Variants in ZBTB8A observed in about 807,000 individuals in gnomAD.
The protein encoded by ZBTB8A is zinc finger and BTB domain containing 8A, also known as zinc finger and BTB domain-containing protein 8A.
Under a neutral mutation model 37.8 loss-of-function variants are expected in ZBTB8A, and 19 were observed. That is an observed-to-expected ratio of 0.50 (90% CI 0.35 to 0.74). The LOEUF (loss-of-function observed/expected upper bound fraction) is 0.74. Among genes scored for constraint, ZBTB8A ranks in the 30% least tolerant of loss-of-function variants. The pLI is 0.01. For synonymous variants in ZBTB8A, 181 were observed against 185.2 expected (o/e 0.98, Z 0.19); for missense variants, 394 against 537.8 (o/e 0.73, Z 2.65).
chr1:32,547,080 T>A (rs921281917), intron 1 of ZBTB8A, among the ~76,000 whole-genome samples: 1 of 152,044 alleles, frequency 6.6e-6, no homozygotes, highest in Non-Finnish European at 1.5e-5. Flanking sequence ...ATTTTTTAAT[T>A]ATTTGTAGAG....
chr1:32,584,674 G>A (rs532342454), intron 2 of ZBTB8A, among the ~76,000 whole-genome samples: 39 of 151,868 alleles, frequency 2.6e-4, no homozygotes, highest in East Asian at 9.7e-4. Context: ...ACCATGCCCA[G>A]CTAATTTTTT....
intron 2 of ZBTB8A, among the ~76,000 whole-genome samples, chr1:32,590,761 A>G (rs1013511922): frequency 1.3e-5 from 2 of 152,130 alleles, no homozygotes; most frequent in Admixed American, 6.6e-5. Flanking sequence ...TGTTACTTCT[A>G]AAGAGGTATC....
At chr1:32,560,857 C>G (rs911219627) in intron 2 of ZBTB8A, among the ~76,000 whole-genome samples, 1 of 151,972 alleles carries the variant, frequency 6.6e-6, no homozygotes. Flanking sequence ...AACTCCTGAC[C>G]TCAAGTGATC....
intron 2 of ZBTB8A, among the ~76,000 whole-genome samples, chr1:32,561,257 C>T (rs1438418366): frequency 1.3e-5 from 2 of 152,158 alleles, no homozygotes; most frequent in Admixed American, 6.5e-5. Context: ...GCCTAGAATG[C>T]TTTTCCTCTT....
In ZBTB8A at chr1:32,593,035, T is replaced by C; in HGVS notation, c.104T>C (p.Phe35Ser). 1 of 1,614,200 alleles carries C rather than the reference T, an allele frequency of 6.2e-7. No homozygotes were observed. The highest frequency in any genetic ancestry group is 8.5e-7 in the Non-Finnish European group (1 of 1,180,030). The change falls in exon 3 of 5, where the codon TTC becomes TCC. Residue 35 changes from phenylalanine (F) to serine (S), a missense_variant. Phe to Ser is a radical substitution (Grantham distance 155, BLOSUM62 -2). Transcript: ENST00000373510. ...DCSILVEGKV[F>S]KAHRNVLFAS... ...AGTATTCTAGTTGAAGGGAAGGTCT[T>C]CAAAGCACATCGAAATGTATTATTC...
At chr1:32,571,736 A>G (rs1644324119) in intron 2 of ZBTB8A, among the ~76,000 whole-genome samples, 1 of 151,918 alleles carries the variant, frequency 6.6e-6, no homozygotes, top group Non-Finnish European at 1.5e-5. Context: ...CACCACGCCC[A>G]GCTAATTTTT....
intron 2 of ZBTB8A, among the ~76,000 whole-genome samples, chr1:32,560,500 C>T (rs1644235500): frequency 6.6e-6 from 1 of 151,688 alleles, no homozygotes; most frequent in African/African-American, 2.4e-5. Flanking sequence ...TATAAATTAC[C>T]CAGTTTCAGC....
Position 32,544,739 on chromosome 1 carries a change from T to C in ZBTB8A, c.-84+5167T>C, listed in dbSNP as rs377294570. Reference sequence around the variant, plus strand: ...ATAAATAAACACAGGAAAGGTACAATAAAAATATGGTATTATAATCTTATG... The same window carrying C: ...ATAAATAAACACAGGAAAGGTACAACAAAAATATGGTATTATAATCTTATG... On this transcript the variant is annotated intron_variant, in intron 1 of 4. Transcript: ENST00000373510. Among the ~76,000 whole-genome samples, 5 of 152,242 alleles carry C rather than the reference T, an allele frequency of 3.3e-5. No homozygotes were observed. The East Asian group carries it at 7.7e-4, about 24-fold the overall frequency.
chr1:32,600,353 G>T lies in ZBTB8A; in HGVS notation c.1260G>T (p.Leu420=), dbSNP rs781166347. The part of the protein sequence containing the change: ...VEIVEDGSAD[L]VIQQVDDSEE... ...TTGTAGAAGATGGGTCTGCTGATCT[G>T]GTCATCCAACAGGTTGATGATAGTG... is the stretch of plus-strand genomic sequence containing the variant. Residue 420 remains leucine, a synonymous_variant, in exon 5 of 5, where the codon CTG becomes CTT. Coordinates refer to ENST00000373510, the MANE Select transcript of ZBTB8A (RefSeq NM_001040441.3). 19 of 1,614,074 alleles carry T rather than the reference G, an allele frequency of 1.2e-5. No individual in the cohort carries two copies. Among genetic ancestry groups the T allele is most frequent in the Non-Finnish European group, 1.6e-5 (19 of 1,179,994 alleles).
chr1:32,587,792 G>A (rs766677728), intron 2 of ZBTB8A, among the ~76,000 whole-genome samples: 6 of 152,056 alleles, frequency 3.9e-5, no homozygotes, highest in Non-Finnish European at 8.8e-5. Context: ...GGTAGCTTCA[G>A]GTTTGGGGCT....
intron 2 of ZBTB8A, among the ~76,000 whole-genome samples, chr1:32,586,048 T>G (rs933876351): frequency 3.6e-5 from 5 of 137,148 alleles, no homozygotes; most frequent in African/African-American, 1.4e-4. Context: ...CCGGGCACGG[T>G]GGCTCATGCC....
At chr1:32,575,226 CTTTTTTTTTTT>C (rs778765276) in intron 2 of ZBTB8A, among the ~76,000 whole-genome samples, 3 of 101,020 alleles carry the variant, frequency 3.0e-5, no homozygotes, top group African/African-American at 4.1e-5. Context: ...CTTTTCTTTC[CTTTTTTTTTTT>C]TTTTTTTTTG....
In ZBTB8A at chr1:32,591,845, G is replaced by T. The variant is rs1441207311; in HGVS notation, c.-1-1086G>T. 2.0e-5 allele frequency among the ~76,000 whole-genome samples: 3 copies of T among 151,978 alleles called. No homozygotes were observed. In the East Asian group the frequency reaches 5.8e-4, roughly 29 times the overall value. ...CTAGTTGTTTTTTTGTTTTTTGTTT[G>T]TTTGTTTGTTTGTTTTTTCAGACAG... On this transcript the variant is annotated intron_variant, in intron 2 of 4. Coordinates refer to ENST00000373510, the MANE Select transcript of ZBTB8A (RefSeq NM_001040441.3).
At chr1:32,596,789 A>G (rs1644535704) in intron 4 of ZBTB8A, among the ~76,000 whole-genome samples, 1 of 152,256 alleles carries the variant, frequency 6.6e-6, no homozygotes, top group Admixed American at 6.5e-5. Flanking sequence ...AAATAGTTTT[A>G]TATTTCCATT....
chr1:32,577,367 G>A (rs1644367989), intron 2 of ZBTB8A, among the ~76,000 whole-genome samples: 1 of 149,790 alleles, frequency 6.7e-6, no homozygotes, highest in South Asian at 2.1e-4. Flanking sequence ...CCAGGCTGGT[G>A]TTGAGCTCCT....
chr1:32,571,731 C>T (rs1410130562), intron 2 of ZBTB8A, among the ~76,000 whole-genome samples: 4 of 151,990 alleles, frequency 2.6e-5, no homozygotes, highest in South Asian at 2.1e-4. Flanking sequence ...TCCGCCACCA[C>T]GCCCAGCTAA....
At chr1:32,559,743 G>A (rs1200747945) in intron 2 of ZBTB8A, among the ~76,000 whole-genome samples, 1 of 152,164 alleles carries the variant, frequency 6.6e-6, no homozygotes, top group African/African-American at 2.4e-5. Context: ...GGGATTACAA[G>A]CATGAGCCAC....
chr1:32,590,965 C>A (rs953104129), intron 2 of ZBTB8A, among the ~76,000 whole-genome samples: 1 of 151,838 alleles, frequency 6.6e-6, no homozygotes, highest in Non-Finnish European at 1.5e-5. Context: ...GCAATCTCAA[C>A]TCGCTGCAAC....
chr1:32,601,496 T>C lies in ZBTB8A; in HGVS notation c.*1077T>C. 1 of 395,528 alleles carries C rather than the reference T, an allele frequency of 2.5e-6. No individual in the cohort carries two copies. 24.5% of individuals were successfully genotyped at this position (395,528 alleles called of 1,614,324 possible). ...TCTCAAAAAAAAAAGGAAAACAAAC[T>C]AGGAGGTTCTTACCATATGTGAGTG... On this transcript the variant is annotated 3_prime_UTR_variant, in exon 5 of 5. Transcript: ENST00000373510.
Sources: allele counts gnomAD v4.1 joint callset (sites outside exome capture counted in the v4.1 genomes callset), GRCh38; gene constraint gnomAD v4.1.1; transcripts MANE v1.5; gene names NCBI Gene and HGNC (gene_info 2026-07-23, HGNC 2026-07-21).